The following FNBP1L variants were observed in gnomAD, a reference collection of about 807,000 sequenced individuals.
FNBP1L encodes formin-binding protein 1-like.
FNBP1L carries 36 observed loss-of-function variants against 91.2 expected under a neutral mutation model. The observed-to-expected ratio is 0.39, with a 90% CI of 0.30 to 0.52. The LOEUF (loss-of-function observed/expected upper bound fraction) is 0.52. FNBP1L is among the 20% of genes least tolerant of loss of function. The pLI, the probability that FNBP1L is intolerant of heterozygous loss-of-function variation, is 0.66. For synonymous variants in FNBP1L, 242 were observed against 237.0 expected, an observed-to-expected ratio of 1.02 and a Z score of -0.19; for missense variants, 571 against 732.1, an observed-to-expected ratio of 0.78 and a Z score of 2.54.
intron 1 of FNBP1L, among the ~76,000 whole-genome samples, chr1:93,462,155 G>A (rs1668889785): frequency 6.6e-6 from 1 of 152,156 alleles, no homozygotes; most frequent in Non-Finnish European, 1.5e-5. Context: ...TTTGTGAGTA[G>A]AAGATTTCCC....
intron 1 of FNBP1L, among the ~76,000 whole-genome samples, chr1:93,458,384 CCT>C (rs1390018379): frequency 6.6e-6 from 1 of 152,138 alleles, no homozygotes. Flanking sequence ...CCTGCCCCAG[CCT>C]CTCAAAGTGT....
intron 11 of FNBP1L, among the ~76,000 whole-genome samples, chr1:93,542,798 TA>T (rs1447694147): frequency 3.2e-5 from 4 of 123,772 alleles, no homozygotes; most frequent in East Asian, 2.1e-4. Context: ...TTTTTTTTTT[TA>T]AAAGACGGAG....
intron 2 of FNBP1L, among the ~76,000 whole-genome samples, chr1:93,506,814 A>C (rs1052516086): frequency 1.3e-5 from 2 of 152,166 alleles, no homozygotes; most frequent in East Asian, 3.8e-4. Context: ...TTTTTACTGA[A>C]ACTCAAAAGT....
Position 93,448,175 on chromosome 1 carries a change from A to G in FNBP1L, c.-107A>G, listed in dbSNP as rs911272661. 3.5e-6 allele frequency: 5 copies of G among 1,417,376 alleles called. No homozygotes were observed. Among genetic ancestry groups the G allele is most frequent in the African/African-American group, 1.5e-5 (1 of 66,632 alleles). The allele number at this position is 1,417,376 out of a possible 1,614,324, so 87.8% of individuals were successfully genotyped here. On this transcript the variant is annotated 5_prime_UTR_variant, in exon 1 of 17. Transcript: ENST00000271234. ...GCGGTGGCGGCACCTTTCGAGGTAGACCCGCTGAGCTGCTAGCCCGCCGGC... is the reference window on the plus strand; with the variant it reads ...GCGGTGGCGGCACCTTTCGAGGTAGGCCCGCTGAGCTGCTAGCCCGCCGGC...
chr1:93,545,660 G>C (rs1371332301), intron 12 of FNBP1L, among the ~76,000 whole-genome samples: 3 of 152,076 alleles, frequency 2.0e-5, no homozygotes. Flanking sequence ...ACTGTATGAA[G>C]AGTAAATAGT....
At chr1:93,525,205 G>A (rs900952026) in intron 5 of FNBP1L, among the ~76,000 whole-genome samples, 2 of 152,008 alleles carry the variant, frequency 1.3e-5, no homozygotes, top group African/African-American at 4.8e-5. Context: ...AAATTATGCC[G>A]AAGGGAGTTT....
At position 93,554,057 on chromosome 1, in the gene FNBP1L, A is replaced by T. The variant is rs1672498822; in HGVS notation, c.*1641A>T. The stretch of plus-strand genomic sequence containing the variant: ...TGAAAGTTACTGCCTTCATAAGATC[A>T]AGTCACCACTGTTACACAGCTGACA... On this transcript the variant is annotated 3_prime_UTR_variant, in exon 17 of 17. Coordinates refer to ENST00000271234, the MANE Select transcript of FNBP1L (RefSeq NM_001164473.3). 1 of 152,670 alleles carries T rather than the reference A, an allele frequency of 6.6e-6. No homozygotes were observed. Among genetic ancestry groups the T allele is most frequent in the African/African-American group, 2.4e-5 (1 of 41,452 alleles). 9.5% of individuals were successfully genotyped at this position (152,670 alleles called of 1,614,324 possible). A position where few individuals can be genotyped will look rare whatever the true frequency, so the allele number is the denominator to read the frequency against.
At chr1:93,453,957 G>A (rs867161902) in intron 1 of FNBP1L, among the ~76,000 whole-genome samples, 27 of 152,186 alleles carry the variant, frequency 1.8e-4, no homozygotes, top group Non-Finnish European at 1.2e-4. Context: ...GGACTTTAGG[G>A]CTATGAAAAG....
chr1:93,550,856 T>G (rs1672387976), intron 15 of FNBP1L, 91 bp from the exon 16 acceptor site: 4 of 1,215,702 alleles, frequency 3.3e-6, no homozygotes, highest in Non-Finnish European at 4.4e-6. Flanking sequence ...TGAAATCTAG[T>G]AGGGTTTCAT....
At chr1:93,473,892 T>C (rs990387400) in intron 1 of FNBP1L, among the ~76,000 whole-genome samples, 1 of 152,158 alleles carries the variant, frequency 6.6e-6, no homozygotes, top group Non-Finnish European at 1.5e-5. Context: ...GCAGTAGCTG[T>C]AGGCAGAAAG....
intron 1 of FNBP1L, among the ~76,000 whole-genome samples, chr1:93,497,077 A>G (rs1353981599): frequency 6.6e-6 from 1 of 152,066 alleles, no homozygotes; most frequent in African/African-American, 2.4e-5. Flanking sequence ...TCCCTGCCTC[A>G]GCCTCCCAAA....
At chr1:93,524,543 T>A (rs924612411) in intron 5 of FNBP1L, among the ~76,000 whole-genome samples, 1 of 151,354 alleles carries the variant, frequency 6.6e-6, no homozygotes, top group African/African-American at 2.4e-5. Context: ...ACTTAAGAAC[T>A]CTGTAATCTT....
chr1:93,495,123 G>A (rs1270690168), intron 1 of FNBP1L, among the ~76,000 whole-genome samples: 2 of 152,014 alleles, frequency 1.3e-5, no homozygotes, highest in African/African-American at 2.4e-5. Flanking sequence ...TGTAAAATAT[G>A]GCAATAAAAT....
intron 1 of FNBP1L, among the ~76,000 whole-genome samples, chr1:93,492,994 T>C (rs906630835): frequency 1.1e-4 from 17 of 152,166 alleles, no homozygotes; most frequent in African/African-American, 4.1e-4. Flanking sequence ...TAAGAAATTA[T>C]TGAGAAGGTT....
chr1:93,530,909 T>G (rs373193211), intron 7 of FNBP1L, 26 bp downstream of exon 7: 542 of 1,493,624 alleles, frequency 3.6e-4, no homozygotes, highest in Non-Finnish European at 4.7e-4. Flanking sequence ...GAAGTTAATC[T>G]AGTTTTAGAT....
intron 5 of FNBP1L, among the ~76,000 whole-genome samples, chr1:93,527,855 A>G (rs1236720016): frequency 1.3e-5 from 2 of 152,150 alleles, no homozygotes; most frequent in Non-Finnish European, 2.9e-5. Flanking sequence ...GCAAAAACAA[A>G]CAAGGAAAAT....
Position 93,549,315 on chromosome 1 carries a change from G to T in FNBP1L, c.1540G>T (p.Val514Phe). 6.2e-7 allele frequency: 1 copy of T among 1,612,594 alleles called. No homozygotes were observed. Among genetic ancestry groups the T allele is most frequent in the Non-Finnish European group, 8.5e-7 (1 of 1,179,330 alleles). Residue 514 changes from valine (V) to phenylalanine (F), a missense_variant, in exon 15 of 17, where the codon GTC (valine) becomes TTC (phenylalanine). Val to Phe is a conservative substitution (Grantham distance 50). Coordinates refer to ENST00000271234, the MANE Select transcript of FNBP1L (RefSeq NM_001164473.3). Reference sequence around the variant, plus strand: ...TTACACTGATGATGCAAACCAGGAAGTCCGTGGGCCACCCCAGCAGCATGG... The same window carrying T: ...TTACACTGATGATGCAAACCAGGAATTCCGTGGGCCACCCCAGCAGCATGG... Reference protein sequence around the residue: ...GSYTDDANQEVRGPPQQHGHH... With the variant: ...GSYTDDANQEFRGPPQQHGHH...
intron 1 of FNBP1L, among the ~76,000 whole-genome samples, chr1:93,465,813 C>T (rs1438787148): frequency 1.3e-5 from 2 of 152,222 alleles, no homozygotes; most frequent in Non-Finnish European, 2.9e-5. Flanking sequence ...AATTTACAGT[C>T]CCACCAACAG....
intron 1 of FNBP1L, among the ~76,000 whole-genome samples, chr1:93,448,527 G>A (rs930676555): frequency 6.6e-6 from 1 of 152,206 alleles, no homozygotes; most frequent in Non-Finnish European, 1.5e-5. Context: ...TGCCGCCGTG[G>A]TGCAGCTCGG....
Sources: allele counts gnomAD v4.1 joint callset (sites outside exome capture counted in the v4.1 genomes callset), GRCh38; gene constraint gnomAD v4.1.1; transcripts MANE v1.5; gene names NCBI Gene and HGNC (gene_info 2026-07-23, HGNC 2026-07-21).